The following MACF1 variants were observed in gnomAD, a reference collection of about 807,000 sequenced individuals.
MACF1 encodes microtubule actin crosslinking factor 1, also known as microtubule-actin cross-linking factor 1.
Under a neutral mutation model 854.8 loss-of-function variants are expected in MACF1, and 193 were observed. The observed-to-expected ratio is 0.23, with a 90% CI of 0.20 to 0.25. The LOEUF is 0.25. Ranked by LOEUF, MACF1 falls within the 10% of genes least tolerant of loss-of-function variation. The probability of loss-of-function intolerance (pLI) is 1.00; values close to 1 mark genes in which losing one functional copy is unlikely to be tolerated. For missense variants in MACF1, 7,722 were observed against 8,929.1 expected (o/e 0.86, Z 5.45); for synonymous variants, 3,185 against 3,226.7 (o/e 0.99, Z 0.44).
chr1:39,485,413 T>C, intron 100 of MACF1, 125 bp from the exon 101 acceptor site: 1 of 1,119,266 alleles, frequency 8.9e-7, no homozygotes, highest in East Asian at 2.6e-5. Flanking sequence ...ATGAGGAAAC[T>C]GGGGTGCAGA....
chr1:39,303,128 G>A (rs916203244), intron 23 of MACF1, 50 bp downstream of exon 23: 7 of 1,594,690 alleles, frequency 4.4e-6, no homozygotes, highest in East Asian at 2.3e-5. Flanking sequence ...TGTTGGCCTC[G>A]GTGAACCAGT....
intron 2 of MACF1, among the ~76,000 whole-genome samples, chr1:39,194,614 A>T (rs1644297936): frequency 6.6e-6 from 1 of 151,712 alleles, no homozygotes; most frequent in African/African-American, 2.4e-5. Context: ...ATGTGCTGGG[A>T]TTACAGGCGT....
At chr1:39,303,909 C>A (rs1483285274) in intron 23 of MACF1, among the ~76,000 whole-genome samples, 1 of 150,084 alleles carries the variant, frequency 6.7e-6, no homozygotes, top group African/African-American at 2.4e-5. Context: ...TTTTCTGGGT[C>A]ATTAGTTATC....
chr1:39,459,701 G>T, intron 91 of MACF1: 1 of 510,950 alleles, frequency 2.0e-6, no homozygotes. Flanking sequence ...TTGATCATGA[G>T]AAGCAACTCT....
At chr1:39,148,353 G>A (rs1362270325) in intron 2 of MACF1, among the ~76,000 whole-genome samples, 3 of 152,032 alleles carry the variant, frequency 2.0e-5, no homozygotes, top group Non-Finnish European at 4.4e-5. Context: ...GCTACTGTTG[G>A]ATATTGGTTG....
At position 39,204,908 on chromosome 1, in the gene MACF1, C is replaced by A. The variant is rs1644432821; in HGVS notation, c.-115C>A. Reference sequence around the variant, plus strand: ...AGGAAGTTTCTGACAACACTAAGCTCCGGCCTCTGCCTCTGCTGATAGTAC... The same window carrying A: ...AGGAAGTTTCTGACAACACTAAGCTACGGCCTCTGCCTCTGCTGATAGTAC... On this transcript the variant is annotated 5_prime_UTR_variant, in exon 1 of 101. Transcript: ENST00000564288. The A allele has an allele frequency of 5.5e-5, 35 of 636,288 alleles. 1 individual carries two copies. In the South Asian group the frequency reaches 6.4e-4, roughly 12 times the overall value. 39.4% of individuals were successfully genotyped at this position (636,288 alleles called of 1,614,324 possible).
chr1:39,189,453 T>C (rs1644218436), intron 2 of MACF1, among the ~76,000 whole-genome samples: 1 of 152,236 alleles, frequency 6.6e-6, no homozygotes, highest in Non-Finnish European at 1.5e-5. Context: ...TTGTGATGGA[T>C]ACCCCAAAGT....
intron 2 of MACF1, among the ~76,000 whole-genome samples, chr1:39,195,886 T>C (rs1362747313): frequency 2.0e-5 from 3 of 152,186 alleles, no homozygotes; most frequent in Non-Finnish European, 2.9e-5. Context: ...AGTTGGAGAC[T>C]GAGATTAGAC....
chr1:39,414,457 G>A (rs764269064), intron 58 of MACF1: 9 of 1,613,890 alleles, frequency 5.6e-6, no homozygotes, highest in Admixed American at 3.3e-5. Flanking sequence ...GGCTGCAACC[G>A]CTGGATTAAA....
intron 17 of MACF1, 124 bp downstream of exon 17, chr1:39,292,967 A>G: frequency 1.5e-6 from 1 of 663,710 alleles, no homozygotes; most frequent in South Asian, 2.0e-5. Context: ...ATTAGGTTAT[A>G]TCATTTACTA....
intron 58 of MACF1, among the ~76,000 whole-genome samples, chr1:39,404,734 C>T (rs2148599181): frequency 6.6e-6 from 1 of 152,284 alleles, no homozygotes; most frequent in Non-Finnish European, 1.5e-5. Context: ...ATACCCCTGC[C>T]TCAGCTTCTC....
In MACF1 at chr1:39,187,895, T is replaced by TCTGTCTCTCTCTCTCTCTCTCTCTC. The variant is rs1553160207; in HGVS notation, c.221-43285_221-43284insGTCTCTCTCTCTCTCTCTCTCTCCT. Among the ~76,000 whole-genome samples the TCTGTCTCTCTCTCTCTCTCTCTCTC allele has an allele frequency of 8.2e-4, 56 of 68,462 alleles. 1 individual carries two copies. Among genetic ancestry groups the TCTGTCTCTCTCTCTCTCTCTCTCTC allele is most frequent in the East Asian group, 3.5e-3 (7 of 1,990 alleles). The allele number at this position is 68,462 out of a possible 152,430, so 44.9% of individuals were successfully genotyped here. On this transcript the variant is annotated intron_variant, in intron 2 of 93. Coordinates refer to the MACF1 transcript ENST00000361689. ...CTCTCTCTCTCTGTCTCTCTCTCTC[T>TCTGTCTCTCTCTCTCTCTCTCTCTC]CTCTCTCCTCTCTCCTTCCTTCCTT...
At chr1:39,237,983 A>G (rs1557536705) in intron 2 of MACF1, among the ~76,000 whole-genome samples, 1 of 152,200 alleles carries the variant, frequency 6.6e-6, no homozygotes, top group Non-Finnish European at 1.5e-5. Flanking sequence ...TAGCACCAGT[A>G]AGAAGAGTAA....
In MACF1 at chr1:39,439,439, A is replaced by C. The variant is rs772841322; in HGVS notation, c.18386A>C (p.His6129Pro). 10 of 1,614,210 alleles carry C rather than the reference A, an allele frequency of 6.2e-6. No individual in the cohort carries two copies. Among genetic ancestry groups the C allele is most frequent in the Middle Eastern group, 3.3e-4 (2 of 6,062 alleles). The change falls in exon 72 of 101, where the codon CAT (histidine) becomes CCT (proline). Residue 6129 changes from histidine (H) to proline (P), a missense_variant. Transcript: ENST00000564288. ...TTIKDTQDIV[H>P]DLESPGIDPS... is the part of the protein sequence containing the mutation. Reference sequence around the variant, plus strand: ...ATCAAAGACACCCAGGATATTGTCCATGACTTGGAAAGCCCAGGCATTGAT... The same window carrying C: ...ATCAAAGACACCCAGGATATTGTCCCTGACTTGGAAAGCCCAGGCATTGAT...
chr1:39,466,288 T>A (rs1486487756), intron 95 of MACF1, among the ~76,000 whole-genome samples: 2 of 152,174 alleles, frequency 1.3e-5, no homozygotes, highest in African/African-American at 2.4e-5. Context: ...AGGTCTCCAT[T>A]TTTAGAGCTG....
At chr1:39,217,943 G>A (rs1416791814) in intron 1 of MACF1, among the ~76,000 whole-genome samples, 1 of 151,830 alleles carries the variant, frequency 6.6e-6, no homozygotes, top group East Asian at 1.9e-4. Flanking sequence ...CAGCACTTTG[G>A]GAGGCCGAGG....
At chr1:39,200,149 T>A (rs1644371845), upstream of MACF1, among the ~76,000 whole-genome samples, 1 of 152,194 alleles carries the variant, frequency 6.6e-6, no homozygotes. Context: ...AATGGTCAGT[T>A]CTCAATCCTC....
chr1:39,435,734 G>T lies in MACF1; in HGVS notation c.17961G>T (p.Leu5987=), dbSNP rs1461361230. ...KEEVRQRALA[L]DEAVSQSTQF... is the part of the protein sequence containing the mutation. ...AGGTGCGCCAGCGAGCCCTGGCTCT[G>T]GATGAAGCCGTGTCCCAGTCCACAC... The change falls in exon 70 of 101, where the codon CTG becomes CTT. Residue 5987 remains leucine, a synonymous_variant. Transcript: ENST00000564288. 1 of 1,614,152 alleles carries T rather than the reference G, an allele frequency of 6.2e-7. No homozygotes were observed. Among genetic ancestry groups the T allele is most frequent in the Non-Finnish European group, 8.5e-7 (1 of 1,179,988 alleles).
intron 44 of MACF1, 130 bp from the exon 45 acceptor site, chr1:39,357,245 T>C (rs930337284): frequency 3.1e-6 from 3 of 970,326 alleles, no homozygotes; most frequent in Non-Finnish European, 4.7e-6. Flanking sequence ...TTGACAGCAA[T>C]GTGGGTGAAA....
Sources: gnomAD v4.1 joint callset for allele counts (sites outside exome capture counted in the v4.1 genomes callset) on GRCh38, gnomAD v4.1.1 for gene constraint, MANE v1.5 for transcripts, NCBI Gene and HGNC (gene_info 2026-07-23, HGNC 2026-07-21) for gene names.